ANKRD13D: variants seen among roughly 807,000 people sequenced by gnomAD.
The protein encoded by ANKRD13D is ankyrin repeat domain 13D, also known as ankyrin repeat domain-containing protein 13D.
In ANKRD13D, 24 loss-of-function variants were observed where a neutral mutation model predicts 68.8. The observed-to-expected ratio is 0.35, with a 90% CI of 0.25 to 0.49. The LOEUF is 0.49. Among genes scored for constraint, ANKRD13D ranks in the 20% least tolerant of loss-of-function variants. ANKRD13D has a pLI of 0.99. For synonymous variants in ANKRD13D, 331 were observed against 336.1 expected (o/e 0.98, Z 0.16); for missense variants, 735 against 832.1 (o/e 0.88, Z 1.44).
In ANKRD13D at chr11:67,300,895, G is replaced by T; in HGVS notation, c.1074-95G>T. 1 of 1,473,526 alleles carries T rather than the reference G, an allele frequency of 6.8e-7. No individual in the cohort carries two copies. The highest frequency in any genetic ancestry group is 2.0e-5 in the Admixed American group (1 of 51,234). 91.3% of individuals were successfully genotyped at this position (1,473,526 alleles called of 1,614,324 possible). On this transcript the variant is annotated intron_variant, in intron 10 of 14. Coordinates refer to ENST00000511455, the MANE Select transcript of ANKRD13D (RefSeq NM_207354.3). The surrounding 1 kb of genome is among the most constrained non-coding windows in gnomAD (Gnocchi z 4.3). ...GCAGGGCACTCCAGGCCAGGCAGAA[G>T]GTGGGTAAAGGCAGCTGCCCACGAA...
In ANKRD13D at chr11:67,301,170, C is replaced by T. The variant is rs555153298; in HGVS notation, c.1231+23C>T. The stretch of plus-strand genomic sequence containing the variant: ...TTGGTGAGAGGCTGGGCACAGGCAG[C>T]GGGAGGACCTCAGGCATGGCACCCT... On this transcript the variant is annotated intron_variant, in intron 11 of 14. Coordinates refer to ENST00000511455, the MANE Select transcript of ANKRD13D (RefSeq NM_207354.3). This position sits in a 1 kb window ranked among gnomAD's most constrained non-coding sequence, Gnocchi z 4.5. 6.2e-6 allele frequency: 10 copies of T among 1,610,006 alleles called. No homozygotes were observed. Among genetic ancestry groups the T allele is most frequent in the South Asian group, 4.4e-5 (4 of 90,466 alleles).
chr11:67,297,609 T>G (rs1360547274), intron 6 of ANKRD13D, among the ~76,000 whole-genome samples: 2 of 150,820 alleles, frequency 1.3e-5, no homozygotes, highest in Non-Finnish European at 2.9e-5. Context: ...TACTGCAAGC[T>G]CCGCCTCCCG....
At position 67,291,516 on chromosome 11, in the gene ANKRD13D, G is replaced by A; in HGVS notation, c.392G>A (p.Ser131Asn). ...GTTGAGATGAAGTGGGAGTTCACCA[G>A]CTGGGGTGAGTGGGGACCTCTGGGC... is the stretch of plus-strand genomic sequence containing the variant. Reference protein sequence around the residue: ...FYVEMKWEFTSWVPLVSKMCP... With the variant: ...FYVEMKWEFTNWVPLVSKMCP... The change falls in exon 4 of 15, where the codon AGC becomes AAC. Residue 131 changes from serine to asparagine, a missense_variant. Physicochemically the swap from Ser to Asn is conservative, Grantham distance 46. Transcript: ENST00000511455. The A allele has an allele frequency of 1.2e-6, 2 of 1,614,048 alleles. No homozygotes were observed. The highest frequency in any genetic ancestry group is 1.7e-6 in the Non-Finnish European group (2 of 1,180,002).
chr11:67,295,378 C>T (rs1860720762), intron 6 of ANKRD13D, among the ~76,000 whole-genome samples: 1 of 151,474 alleles, frequency 6.6e-6, no homozygotes, highest in African/African-American at 2.4e-5. Flanking sequence ...AATCACGCCA[C>T]TTCACTCCAG....
chr11:67,299,168 TC>T lies in ANKRD13D; in HGVS notation c.798+46del. 1.7e-6 allele frequency: 2 copies of T among 1,199,342 alleles called. No individual in the cohort carries two copies. The highest frequency in any genetic ancestry group is 2.4e-5 in the South Asian group (2 of 82,684). The allele number at this position is 1,199,342 out of a possible 1,614,324, so 74.3% of individuals were successfully genotyped here. On this transcript the variant is annotated intron_variant, in intron 7 of 14. Coordinates refer to ENST00000511455, the MANE Select transcript of ANKRD13D (RefSeq NM_207354.3). This position sits in a 1 kb window ranked among gnomAD's most constrained non-coding sequence, Gnocchi z 6.2. ...GGGGGGCTGGGGGTAGGAGATGAGGTCCAGGAACTCAGCTCCTCTCCACATC... is the reference window on the plus strand; with the variant it reads ...GGGGGGCTGGGGGTAGGAGATGAGGTCAGGAACTCAGCTCCTCTCCACATC...
intron 6 of ANKRD13D, among the ~76,000 whole-genome samples, chr11:67,295,722 C>CA (rs1860735078): frequency 6.6e-6 from 1 of 151,996 alleles, no homozygotes; most frequent in South Asian, 2.1e-4. Context: ...GGTGACAGAG[C>CA]AAGACTCCAT....
chr11:67,299,651 T>C lies in ANKRD13D; in HGVS notation c.880+40T>C. On this transcript the variant is annotated intron_variant, in intron 8 of 14. Coordinates refer to ENST00000511455, the MANE Select transcript of ANKRD13D (RefSeq NM_207354.3). This position sits in a 1 kb window ranked among gnomAD's most constrained non-coding sequence, Gnocchi z 6.2. ...GCCTGCCTGCTGCCCGGTCACACCG[T>C]GTGGTGGGGTCACCCTGGCCTGGGA... The C allele has an allele frequency of 6.5e-7, 1 of 1,547,210 alleles. No homozygotes were observed. The highest frequency in any genetic ancestry group is 8.7e-7 in the Non-Finnish European group (1 of 1,144,344).
Position 67,291,985 on chromosome 11 carries a change from C to T in ANKRD13D, c.542-6C>T, listed in dbSNP as rs764845999. 1.5e-5 allele frequency: 24 copies of T among 1,572,122 alleles called. No individual in the cohort carries two copies. Among genetic ancestry groups the T allele is most frequent in the South Asian group, 4.6e-5 (4 of 87,474 alleles). On this transcript the variant is annotated splice_region_variant and splice_polypyrimidine_tract_variant and intron_variant, in intron 5 of 14. Coordinates refer to ENST00000511455, the MANE Select transcript of ANKRD13D (RefSeq NM_207354.3). The stretch of plus-strand genomic sequence containing the variant: ...GCCCCCTCTGTCCACCCCTACCGGC[C>T]GGCAGAGGCAGGAGCCCTGGTGATG...
chr11:67,299,093 A>C lies in ANKRD13D; in HGVS notation c.767A>C (p.Lys256Thr). 1.3e-6 allele frequency: 2 copies of C among 1,555,490 alleles called. No individual in the cohort carries two copies. Among genetic ancestry groups the C allele is most frequent in the Non-Finnish European group, 1.8e-6 (2 of 1,140,798 alleles). The change falls in exon 7 of 15, where the codon AAG (lysine) becomes ACG (threonine). Residue 256 changes from lysine (K) to threonine (T), a missense_variant. Lys to Thr is a moderately conservative substitution (Grantham distance 78). Coordinates refer to ENST00000511455, the MANE Select transcript of ANKRD13D (RefSeq NM_207354.3). The surrounding 1 kb of genome is among the most constrained non-coding windows in gnomAD (Gnocchi z 6.2). ...KCGIWGWRSE[K>T]METVSGYEAK... The stretch of plus-strand genomic sequence containing the variant: ...GGTATCTGGGGCTGGCGGTCTGAGA[A>C]GATGGAAACTGTTAGCGGCTACGAG...
chr11:67,301,221 G>T lies in ANKRD13D; in HGVS notation c.1232-61G>T, dbSNP rs1255511484. 5.6e-6 allele frequency: 9 copies of T among 1,595,586 alleles called. No homozygotes were observed. In the African/African-American group the frequency reaches 8.0e-5, roughly 14 times the overall value. On this transcript the variant is annotated intron_variant, in intron 11 of 14. Transcript: ENST00000511455. This position sits in a 1 kb window ranked among gnomAD's most constrained non-coding sequence, Gnocchi z 4.5. ...CCCTCAGCGCAGTCCCTGGAGAGCTGCAGGGGCCGGAGGCACAGGTGGCTC... is the reference window on the plus strand; with the variant it reads ...CCCTCAGCGCAGTCCCTGGAGAGCTTCAGGGGCCGGAGGCACAGGTGGCTC...
intron 4 of ANKRD13D, 41 bp downstream of exon 4, chr11:67,291,562 G>A (rs1288582735): frequency 2.5e-5 from 41 of 1,613,758 alleles, no homozygotes; most frequent in Non-Finnish European, 3.4e-5. Flanking sequence ...TTGGGGTGGG[G>A]CCTTTGGAAA....
intron 6 of ANKRD13D, among the ~76,000 whole-genome samples, chr11:67,294,189 T>C (rs2136525484): frequency 6.6e-6 from 1 of 152,348 alleles, no homozygotes; most frequent in Admixed American, 6.5e-5. Context: ...TTTGTTTTTC[T>C]TTTTCAGGGT....
At position 67,301,463 on chromosome 11, in the gene ANKRD13D, C is replaced by T. The variant is rs755235157; in HGVS notation, c.1349-25C>T. On this transcript the variant is annotated intron_variant, in intron 12 of 14. Transcript: ENST00000511455. The surrounding 1 kb of genome is among the most constrained non-coding windows in gnomAD (Gnocchi z 4.5). ...TGGTCACCAAGCCCCGCGGGTTGAGCGTGGCCCCTCTGCCACCTGCCTAGG... is the reference window on the plus strand; with the variant it reads ...TGGTCACCAAGCCCCGCGGGTTGAGTGTGGCCCCTCTGCCACCTGCCTAGG... The T allele has an allele frequency of 1.1e-5, 17 of 1,609,674 alleles. No homozygotes were observed. In the Admixed American group the frequency reaches 2.0e-4, roughly 19 times the overall value.
intron 6 of ANKRD13D, among the ~76,000 whole-genome samples, chr11:67,295,815 T>C (rs1355489286): frequency 6.6e-6 from 1 of 152,214 alleles, no homozygotes; most frequent in Non-Finnish European, 1.5e-5. Flanking sequence ...GTTCTTCATC[T>C]TAGGGGAAAA....
At position 67,301,681 on chromosome 11, in the gene ANKRD13D, C is replaced by A; in HGVS notation, c.1512+30C>A. 6.2e-7 allele frequency: 1 copy of A among 1,610,630 alleles called. No individual in the cohort carries two copies. Among genetic ancestry groups the A allele is most frequent in the Non-Finnish European group, 8.5e-7 (1 of 1,179,274 alleles). The stretch of plus-strand genomic sequence containing the variant: ...GACTTGCCCAGGGGGTGGGCTCTGG[C>A]CTCTGCAGCCACACGGCAGAAGTGA... On this transcript the variant is annotated intron_variant, in intron 13 of 14. Transcript: ENST00000511455. The surrounding 1 kb of genome is among the most constrained non-coding windows in gnomAD (Gnocchi z 4.5).
Position 67,300,925 on chromosome 11 carries a change from A to C in ANKRD13D, c.1074-65A>C. 2 of 1,581,882 alleles carry C rather than the reference A, an allele frequency of 1.3e-6. No homozygotes were observed. Among genetic ancestry groups the C allele is most frequent in the South Asian group, 2.3e-5 (2 of 88,192 alleles). On this transcript the variant is annotated intron_variant, in intron 10 of 14. Coordinates refer to ENST00000511455, the MANE Select transcript of ANKRD13D (RefSeq NM_207354.3). This position sits in a 1 kb window ranked among gnomAD's most constrained non-coding sequence, Gnocchi z 4.3. The stretch of plus-strand genomic sequence containing the variant: ...GTAAAGGCAGCTGCCCACGAACCAG[A>C]GGGCAGTCCTCAATGGAAGGGCCAC...
chr11:67,289,644 T>A, intron 1 of ANKRD13D, 94 bp downstream of exon 1: 1 of 557,868 alleles, frequency 1.8e-6, no homozygotes, highest in Non-Finnish European at 2.3e-6. Flanking sequence ...CCCCGCCCGC[T>A]CAGCTCCGCA....
At chr11:67,289,617 T>TGGGGGGGGGGGGGGGGGGGG in intron 1 of ANKRD13D, 67 bp downstream of exon 1, 4 of 1,125,056 alleles carry the variant, frequency 3.6e-6, no homozygotes, top group Non-Finnish European at 4.5e-6. Flanking sequence ...GCCTCCGTCC[T>TGGGGGGGGGGGGGGGGGGGG]GGAGCCCCCC....
intron 6 of ANKRD13D, among the ~76,000 whole-genome samples, chr11:67,294,030 A>AAT (rs1203632089): frequency 1.3e-5 from 2 of 152,154 alleles, no homozygotes; most frequent in Non-Finnish European, 2.9e-5. Context: ...CCTTGTCGAA[A>AAT]ATCAGTTGAC....
Sources: allele counts gnomAD v4.1 joint callset (sites outside exome capture counted in the v4.1 genomes callset), GRCh38; gene constraint gnomAD v4.1.1; non-coding constraint Gnocchi (gnomAD v3.1); transcripts MANE v1.5; gene names NCBI Gene and HGNC (gene_info 2026-07-23, HGNC 2026-07-21).